Variants in SCN7A observed in about 807,000 individuals in gnomAD.
SCN7A encodes sodium voltage-gated channel alpha subunit 7.
SCN7A carries 138 observed loss-of-function variants against 155.2 expected under a neutral mutation model. The ratio of observed to expected loss-of-function variants is 0.89; its 90% CI spans 0.77 to 1.02. The LOEUF is 1.02. SCN7A is among the 50% of genes least tolerant of loss of function. The probability of loss-of-function intolerance (pLI) is 0.00; values close to 1 mark genes in which losing one functional copy is unlikely to be tolerated. For missense variants in SCN7A, 2,058 were observed against 1,986.6 expected (o/e 1.04, Z -0.68); for synonymous variants, 693 against 649.0 (o/e 1.07, Z -1.03).
At chr2:166,461,226 A>G (rs940546672) in intron 10 of SCN7A, among the ~76,000 whole-genome samples, 4 of 152,054 alleles carry the variant, frequency 2.6e-5, no homozygotes, top group African/African-American at 9.7e-5. Flanking sequence ...CAATTTATCA[A>G]GTCAACCAAA....
At position 166,447,605 on chromosome 2, in the gene SCN7A, A is replaced by G; in HGVS notation, c.1387+7T>C. On this transcript the variant is annotated splice_region_variant and intron_variant, in intron 12 of 25. Coordinates refer to ENST00000643258, the MANE Select transcript of SCN7A (RefSeq NM_002976.4). ...AATAGTGAGTGTCTACTTATTTAGTACTTTACCTTCCTTATGTCTGAGAGT... is the reference window on the plus strand; with the variant it reads ...AATAGTGAGTGTCTACTTATTTAGTGCTTTACCTTCCTTATGTCTGAGAGT... The G allele has an allele frequency of 6.3e-7, 1 of 1,581,344 alleles. No homozygotes were observed. The highest frequency in any genetic ancestry group is 8.7e-7 in the Non-Finnish European group (1 of 1,151,374).
chr2:166,457,450 T>C (rs976758500), intron 10 of SCN7A, among the ~76,000 whole-genome samples: 1 of 152,202 alleles, frequency 6.6e-6, no homozygotes, highest in African/African-American at 2.4e-5. Flanking sequence ...CAGAAGAATC[T>C]TTAAATATAT....
chr2:166,489,554 G>A (rs1191591212), intron 1 of SCN7A, among the ~76,000 whole-genome samples: 1 of 152,120 alleles, frequency 6.6e-6, no homozygotes, highest in Non-Finnish European at 1.5e-5. Context: ...GTGAATAAAC[G>A]TTCTTTAAAT....
intron 18 of SCN7A, among the ~76,000 whole-genome samples, chr2:166,425,497 C>T (rs1701603398): frequency 1.3e-5 from 2 of 152,042 alleles, no homozygotes; most frequent in East Asian, 1.9e-4. Flanking sequence ...TCTATATACT[C>T]TCATTCTTGA....
At chr2:166,414,708 C>T (rs939632562) in intron 21 of SCN7A, 1 of 120,200 alleles carries the variant, frequency 8.3e-6, no homozygotes, top group Non-Finnish European at 1.7e-5. Flanking sequence ...GAGCTTACTT[C>T]ACCTCTGCCA....
At chr2:166,426,769 T>G (rs1200905621) in intron 18 of SCN7A, among the ~76,000 whole-genome samples, 1 of 152,056 alleles carries the variant, frequency 6.6e-6, no homozygotes, top group Non-Finnish European at 1.5e-5. Context: ...ATGTTCTGTT[T>G]CTCAATCTAA....
At chr2:166,440,317 T>C (rs1168682459) in intron 15 of SCN7A, among the ~76,000 whole-genome samples, 1 of 152,196 alleles carries the variant, frequency 6.6e-6, no homozygotes, top group Non-Finnish European at 1.5e-5. Flanking sequence ...AGGAAAAGAC[T>C]GACAGCAGTG....
intron 7 of SCN7A, among the ~76,000 whole-genome samples, chr2:166,467,298 T>C (rs1702555696): frequency 6.6e-6 from 1 of 151,918 alleles, no homozygotes; most frequent in African/African-American, 2.4e-5. Context: ...TTTCTGTAGT[T>C]ACTATTCCAA....
chr2:166,453,518 C>T (rs562739375), intron 11 of SCN7A, among the ~76,000 whole-genome samples: 8 of 152,216 alleles, frequency 5.3e-5, no homozygotes, highest in African/African-American at 1.9e-4. Flanking sequence ...ATAGTGTAAG[C>T]ACAGCTTAGT....
At position 166,441,727 on chromosome 2, in the gene SCN7A, T is replaced by C; in HGVS notation, c.1826A>G (p.Tyr609Cys). The C allele has an allele frequency of 6.2e-7, 1 of 1,603,494 alleles. No homozygotes were observed. The change falls in exon 15 of 26, where the codon TAT (tyrosine) becomes TGT (cysteine). Residue 609 changes from tyrosine to cysteine, a missense_variant. Tyr to Cys is a radical substitution (Grantham distance 194). Coordinates refer to ENST00000643258, the MANE Select transcript of SCN7A (RefSeq NM_002976.4). ...RMLRIFKLGK[Y>C]WPTFQILMWS... ...CATCAAAATCTGGAATGTTGGCCAA[T>C]ACTTTCCCAACTTGAAAATTCTTAA... is the stretch of plus-strand genomic sequence containing the variant.
chr2:166,429,453 T>C (rs942722383), intron 16 of SCN7A, among the ~76,000 whole-genome samples, 179 bp from the exon 17 acceptor site: 2 of 151,874 alleles, frequency 1.3e-5, no homozygotes, highest in Non-Finnish European at 2.9e-5. Flanking sequence ...TTGGTAAGAG[T>C]TGAAGTTTAA....
intron 10 of SCN7A, among the ~76,000 whole-genome samples, chr2:166,461,061 T>C (rs1306357006): frequency 1.3e-5 from 2 of 149,226 alleles, no homozygotes; most frequent in Non-Finnish European, 3.0e-5. Context: ...TTTTTTTTTT[T>C]TTTTTTTTTT....
Position 166,409,922 on chromosome 2 carries a change from C to A in SCN7A, c.3725G>T (p.Gly1242Val). ...PVPRPLNKLQ[G>V]FIFDVVTSQA... ...GCTTGTTACCACATCAAAGATGAATCCTTGGAGCTTGTTCTGTGGGTAAAA... is the reference window on the plus strand; with the variant it reads ...GCTTGTTACCACATCAAAGATGAATACTTGGAGCTTGTTCTGTGGGTAAAA... The change falls in exon 25 of 26, where the codon GGA (glycine) becomes GTA (valine). Residue 1242 changes from glycine (G) to valine (V), a missense_variant. Coordinates refer to ENST00000643258, the MANE Select transcript of SCN7A (RefSeq NM_002976.4). 1.3e-6 allele frequency: 2 copies of A among 1,564,650 alleles called. No individual in the cohort carries two copies. Among genetic ancestry groups the A allele is most frequent in the Non-Finnish European group, 1.7e-6 (2 of 1,153,304 alleles).
chr2:166,491,434 T>C (rs181723891), intron 1 of SCN7A, among the ~76,000 whole-genome samples: 331 of 152,228 alleles, frequency 2.2e-3, no homozygotes, highest in Non-Finnish European at 3.9e-3. Flanking sequence ...AATTTCAGGA[T>C]GGAATATAAG....
intron 15 of SCN7A, 66 bp from the exon 16 acceptor site, chr2:166,432,818 T>C: frequency 8.2e-7 from 1 of 1,225,520 alleles, no homozygotes; most frequent in Non-Finnish European, 1.1e-6. Context: ...AATGAAAAGT[T>C]TGTTTACAAA....
intron 3 of SCN7A, among the ~76,000 whole-genome samples, chr2:166,476,716 T>C (rs1417155682): frequency 1.3e-5 from 2 of 152,010 alleles, no homozygotes; most frequent in Non-Finnish European, 2.9e-5. Flanking sequence ...TCACCTCATA[T>C]CTCGTAACTT....
At chr2:166,431,317 T>G (rs567173839) in intron 16 of SCN7A, among the ~76,000 whole-genome samples, 2 of 152,254 alleles carry the variant, frequency 1.3e-5, no homozygotes, top group East Asian at 3.9e-4. Flanking sequence ...ATGGCTTTAG[T>G]AGGTGATGGA....
At chr2:166,443,344 C>G (rs1301522846) in intron 14 of SCN7A, among the ~76,000 whole-genome samples, 159 bp downstream of exon 14, 1 of 152,174 alleles carries the variant, frequency 6.6e-6, no homozygotes, top group East Asian at 1.9e-4. Context: ...TTGGAGACTG[C>G]TTACTCTTTC....
Position 166,465,875 on chromosome 2 carries a change from G to A in SCN7A, c.777C>T (p.Phe259=). The A allele has an allele frequency of 1.2e-6, 2 of 1,613,844 alleles. No homozygotes were observed. Among genetic ancestry groups the A allele is most frequent in the Non-Finnish European group, 8.5e-7 (1 of 1,179,828 alleles). Residue 259 remains phenylalanine (F), a synonymous_variant, in exon 8 of 26, where the codon TTC becomes TTT. Transcript: ENST00000643258. The part of the protein sequence containing the change: ...SIFSLIGMGL[F]MGNLKHKCFR... ...AACATTTATGTTTCAAGTTGCCCAT[G>A]AAGAGCCCCATCCCAATTAGAGAAA...
Sources: allele counts gnomAD v4.1 joint callset (sites outside exome capture counted in the v4.1 genomes callset), GRCh38; gene constraint gnomAD v4.1.1; transcripts MANE v1.5; gene names NCBI Gene and HGNC (gene_info 2026-07-23, HGNC 2026-07-21).